The following ENPP1 variants were observed in gnomAD, a reference collection of about 807,000 sequenced individuals.
The protein encoded by ENPP1 is ectonucleotide pyrophosphatase/phosphodiesterase family member 1.
Under a neutral mutation model 122.8 loss-of-function variants are expected in ENPP1, and 73 were observed. The observed-to-expected ratio is 0.59, with a 90% CI of 0.49 to 0.72. The LOEUF (loss-of-function observed/expected upper bound fraction) is 0.72, where lower values mean the gene tolerates loss of function less well. ENPP1 is among the 30% of genes least tolerant of loss of function. The probability of loss-of-function intolerance (pLI) is 0.00; values close to 1 mark genes in which losing one functional copy is unlikely to be tolerated. For synonymous variants in ENPP1, 367 were observed against 391.6 expected (o/e 0.94, Z 0.74); for missense variants, 978 against 1,128.1 (o/e 0.87, Z 1.91).
intron 23 of ENPP1, among the ~76,000 whole-genome samples, chr6:131,886,004 A>C (rs1019910231): frequency 6.6e-6 from 1 of 152,240 alleles, no homozygotes; most frequent in Non-Finnish European, 1.5e-5. Flanking sequence ...AAACAAACAC[A>C]GCCTTAAAAT....
At chr6:131,888,298 G>A (rs1269503076) in intron 24 of ENPP1, among the ~76,000 whole-genome samples, 4 of 144,918 alleles carry the variant, frequency 2.8e-5, no homozygotes, top group Non-Finnish European at 6.0e-5. Flanking sequence ...GCAAAAAGAT[G>A]TAGCTTTCAT....
chr6:131,879,453 A>G (rs369846532), intron 19 of ENPP1, among the ~76,000 whole-genome samples: 8 of 152,258 alleles, frequency 5.3e-5, no homozygotes, highest in Admixed American at 2.6e-4. Context: ...AATAATATCT[A>G]TATTGTTATT....
At chr6:131,818,657 A>C (rs892081437) in intron 1 of ENPP1, among the ~76,000 whole-genome samples, 1 of 152,148 alleles carries the variant, frequency 6.6e-6, no homozygotes, top group African/African-American at 2.4e-5. Context: ...CAAAAAAAAA[A>C]AAAATGTCCT....
chr6:131,853,269 T>G (rs1300399171), intron 5 of ENPP1, among the ~76,000 whole-genome samples: 1 of 152,206 alleles, frequency 6.6e-6, no homozygotes, highest in Non-Finnish European at 1.5e-5. Flanking sequence ...AGCCTTTTTT[T>G]AAGGAAAATT....
At chr6:131,811,376 ATATATCTATATC>A (rs56938500) in intron 1 of ENPP1, among the ~76,000 whole-genome samples, 4,644 of 131,192 alleles carry the variant, frequency 0.035, 163 homozygotes, top group African/African-American at 0.092. Flanking sequence ...ATCTATATCT[ATATATCTATATC>A]TATATCTATA....
In ENPP1 at chr6:131,855,007, T is replaced by C; in HGVS notation, c.699T>C (p.Pro233=). The C allele has an allele frequency of 6.2e-7, 1 of 1,608,658 alleles. No individual in the cohort carries two copies. Among genetic ancestry groups the C allele is most frequent in the South Asian group, 1.1e-5 (1 of 90,992 alleles). ...TACACACTTGGGGTGGACTTCTTCCTGTTATTAGCAAACTAAGTGAGTAAC... is the reference window on the plus strand; with the variant it reads ...TACACACTTGGGGTGGACTTCTTCCCGTTATTAGCAAACTAAGTGAGTAAC... ...EYLHTWGGLL[P]VISKLKKCGT... The change falls in exon 6 of 25, where the codon CCT becomes CCC. Residue 233 remains proline (P), a synonymous_variant. Coordinates refer to ENST00000647893, the MANE Select transcript of ENPP1 (RefSeq NM_006208.3).
At chr6:131,853,000 T>A (rs2114694320) in intron 5 of ENPP1, among the ~76,000 whole-genome samples, 1 of 152,290 alleles carries the variant, frequency 6.6e-6, no homozygotes, top group African/African-American at 2.4e-5. Context: ...TAAGTGTATT[T>A]ATCTTTGTTC....
At chr6:131,813,236 G>C (rs908620804) in intron 1 of ENPP1, among the ~76,000 whole-genome samples, 1 of 152,080 alleles carries the variant, frequency 6.6e-6, no homozygotes, top group Non-Finnish European at 1.5e-5. Flanking sequence ...GTGTGTGATG[G>C]CTCATGCCTG....
chr6:131,839,462 T>G (rs1312824550), intron 1 of ENPP1, among the ~76,000 whole-genome samples: 1 of 152,052 alleles, frequency 6.6e-6, no homozygotes, highest in African/African-American at 2.4e-5. Context: ...GAAGTTTGCT[T>G]AAGGTAAATA....
At chr6:131,874,230 A>G (rs1210957272) in intron 15 of ENPP1, 38 bp from the exon 16 acceptor site, 1 of 1,106,446 alleles carries the variant, frequency 9.0e-7, no homozygotes, top group Non-Finnish European at 1.4e-6. Flanking sequence ...GTTTTATGAA[A>G]GGACTTTACA....
intron 24 of ENPP1, among the ~76,000 whole-genome samples, chr6:131,889,286 A>G (rs1782430504): frequency 6.6e-6 from 1 of 152,142 alleles, no homozygotes; most frequent in Non-Finnish European, 1.5e-5. Context: ...TTGCATAGGT[A>G]AATGTGTGCC....
intron 12 of ENPP1, 31 bp downstream of exon 12, chr6:131,868,157 G>GCCCTTTATCCTGAAGA: frequency 6.8e-7 from 1 of 1,480,472 alleles, no homozygotes; most frequent in Non-Finnish European, 9.4e-7. Context: ...TTACTCTTCA[G>GCCCTTTATCCTGAAGA]GATAAAGGGC....
intron 9 of ENPP1, among the ~76,000 whole-genome samples, 164 bp downstream of exon 9, chr6:131,861,868 A>G (rs1172610240): frequency 2.0e-5 from 3 of 152,142 alleles, no homozygotes; most frequent in African/African-American, 7.2e-5. Context: ...TGGTAAATGG[A>G]CAGTAAAACT....
At chr6:131,858,356 C>G (rs529233318) in intron 6 of ENPP1, among the ~76,000 whole-genome samples, 2 of 152,294 alleles carry the variant, frequency 1.3e-5, no homozygotes, top group Non-Finnish European at 2.9e-5. Context: ...AGGTATTTGA[C>G]CACTAAGTAG....
At position 131,874,306 on chromosome 6, in the gene ENPP1, A is replaced by T; in HGVS notation, c.1604A>T (p.His535Leu). The T allele has an allele frequency of 1.3e-6, 2 of 1,596,820 alleles. No homozygotes were observed. The highest frequency in any genetic ancestry group is 1.1e-5 in the South Asian group (1 of 90,692). The change falls in exon 16 of 25, where the codon CAT becomes CTT. Residue 535 changes from histidine to leucine, a missense_variant. His to Leu is a moderately conservative substitution (Grantham distance 99). Around this residue, in one of 3 missense-constraint regions of ENPP1, gnomAD observed 644 missense variants for 781.5 expected, o/e 0.82. Transcript: ENST00000647893. ...AGGAAATATTGTGGAAGTGGATTTCATGGCTCTGACAATGTATTTTCAAAT... is the reference window on the plus strand; with the variant it reads ...AGGAAATATTGTGGAAGTGGATTTCTTGGCTCTGACAATGTATTTTCAAAT... Reference protein sequence around the residue: ...SERKYCGSGFHGSDNVFSNMQ... With the variant: ...SERKYCGSGFLGSDNVFSNMQ...
In ENPP1 at chr6:131,860,162, T is replaced by G. The variant is rs186923717; in HGVS notation, c.796-225T>G. On this transcript the variant is annotated intron_variant, in intron 7 of 24. Transcript: ENST00000647893. ...TTTATATAGATCTTTATCCTTAGTA[T>G]TACTGACTTATTTTCTCCTATTACA... 1.4e-4 allele frequency among the ~76,000 whole-genome samples: 21 copies of G among 152,318 alleles called. 1 individual carries two copies. The highest frequency in any genetic ancestry group is 1.2e-3 in the Admixed American group (19 of 15,296).
At position 131,878,532 on chromosome 6, in the gene ENPP1, C is replaced by T; in HGVS notation, c.1894-10C>T. On this transcript the variant is annotated splice_polypyrimidine_tract_variant and intron_variant, in intron 18 of 24. Transcript: ENST00000647893. ...TCAGTCCTTAAAAATAGTTTTATAACCTTTTTTAGATTTTGCCGATTGAGG... is the reference window on the plus strand; with the variant it reads ...TCAGTCCTTAAAAATAGTTTTATAATCTTTTTTAGATTTTGCCGATTGAGG... The T allele has an allele frequency of 1.3e-6, 2 of 1,596,752 alleles. No homozygotes were observed. The highest frequency in any genetic ancestry group is 4.5e-5 in the East Asian group (2 of 44,746).
intron 1 of ENPP1, among the ~76,000 whole-genome samples, chr6:131,831,720 A>G (rs901883047): frequency 6.6e-6 from 1 of 152,188 alleles, no homozygotes; most frequent in Non-Finnish European, 1.5e-5. Flanking sequence ...CATCATTTCA[A>G]GAGTATCTGC....
Position 131,878,523 on chromosome 6 carries a change from G to A in ENPP1, c.1894-19G>A, listed in dbSNP as rs1481305632. On this transcript the variant is annotated intron_variant, in intron 18 of 24. Coordinates refer to ENST00000647893, the MANE Select transcript of ENPP1 (RefSeq NM_006208.3). ...ACATGTCTCTCAGTCCTTAAAAATA[G>A]TTTTATAACCTTTTTTAGATTTTGC... 3.2e-6 allele frequency: 5 copies of A among 1,575,614 alleles called. No individual in the cohort carries two copies. The highest frequency in any genetic ancestry group is 1.3e-5 in the African/African-American group (1 of 74,174).
Sources: gnomAD v4.1 joint callset for allele counts (sites outside exome capture counted in the v4.1 genomes callset) on GRCh38, gnomAD v4.1.1 for gene constraint, gnomAD v4.1.1 regional missense constraint, MANE v1.5 for transcripts, NCBI Gene and HGNC (gene_info 2026-07-23, HGNC 2026-07-21) for gene names.